Variants in PHKB observed in about 807,000 individuals in gnomAD.
PHKB encodes the protein phosphorylase kinase regulatory subunit beta, also known as phosphorylase b kinase regulatory subunit beta.
Under a neutral mutation model 152.1 loss-of-function variants are expected in PHKB, and 122 were observed. The observed-to-expected ratio is 0.80, with a 90% confidence interval of 0.69 to 0.93. The LOEUF (loss-of-function observed/expected upper bound fraction) is 0.93. Ranked by LOEUF, PHKB falls within the 40% of genes least tolerant of loss-of-function variation. PHKB has a pLI of 0.00. For synonymous variants in PHKB, 436 were observed against 464.9 expected, an observed-to-expected ratio of 0.94 and a Z score of 0.80; for missense variants, 1,304 against 1,328.4, an observed-to-expected ratio of 0.98 and a Z score of 0.29.
At chr16:47,486,449 G>A (rs1259547957) in intron 1 of PHKB, among the ~76,000 whole-genome samples, 1 of 152,174 alleles carries the variant, frequency 6.6e-6, no homozygotes, top group Non-Finnish European at 1.5e-5. Flanking sequence ...AAAATATATT[G>A]TATCTTGTAT....
At chr16:47,494,242 A>G (rs1970196769) in intron 1 of PHKB, among the ~76,000 whole-genome samples, 1 of 152,242 alleles carries the variant, frequency 6.6e-6, no homozygotes, top group African/African-American at 2.4e-5. Flanking sequence ...GATTCATTAT[A>G]GAGTATTCAA....
chr16:47,463,871 T>A (rs1486433169), intron 1 of PHKB: 1 of 1,561,758 alleles, frequency 6.4e-7, no homozygotes, highest in African/African-American at 1.3e-5. Flanking sequence ...CTTCTAACCT[T>A]TACTAAACAG....
At position 47,631,491 on chromosome 16, in the gene PHKB, T is replaced by C. The variant is rs559347605; in HGVS notation, c.1459-9544T>C. 5.9e-5 allele frequency among the ~76,000 whole-genome samples: 9 copies of C among 152,324 alleles called. No individual in the cohort carries two copies. The South Asian group carries it at 1.9e-3, about 32-fold the overall frequency. ...GAACATAATGAGATAACTCTTTTTT[T>C]ATTGTACTTTAAGTTCTGGGGTACA... On this transcript the variant is annotated intron_variant, in intron 14 of 30. Coordinates refer to ENST00000323584, the MANE Select transcript of PHKB (RefSeq NM_000293.3).
chr16:47,649,544 ATT>A (rs1390399445), intron 18 of PHKB, among the ~76,000 whole-genome samples: 1 of 152,210 alleles, frequency 6.6e-6, no homozygotes, highest in Admixed American at 6.5e-5. Flanking sequence ...AAATAATTTT[ATT>A]TATGAAAAAT....
intron 9 of PHKB, 22 bp downstream of exon 9, chr16:47,587,785 A>T (rs1446213562): frequency 6.1e-6 from 9 of 1,477,690 alleles, no homozygotes; most frequent in Non-Finnish European, 8.5e-6. Context: ...AATAATGATA[A>T]ATTTAACATG....
intron 10 of PHKB, among the ~76,000 whole-genome samples, chr16:47,591,861 C>G (rs1481432612): frequency 6.6e-6 from 1 of 152,102 alleles, no homozygotes; most frequent in Admixed American, 6.5e-5. Flanking sequence ...TGTCAATCAC[C>G]AAGGCTGGCA....
At chr16:47,550,478 T>C (rs2151674383) in intron 7 of PHKB, among the ~76,000 whole-genome samples, 1 of 152,374 alleles carries the variant, frequency 6.6e-6, no homozygotes, top group South Asian at 2.1e-4. Context: ...CCCTTTGTAG[T>C]CTGACACTTT....
At chr16:47,536,877 G>T (rs1970961013) in intron 6 of PHKB, among the ~76,000 whole-genome samples, 1 of 152,162 alleles carries the variant, frequency 6.6e-6, no homozygotes, top group African/African-American at 2.4e-5. Context: ...AGAGTTAGGA[G>T]AAATTAGAGA....
chr16:47,503,170 G>T, intron 4 of PHKB, 80 bp downstream of exon 4: 3 of 977,362 alleles, frequency 3.1e-6, no homozygotes, highest in Non-Finnish European at 4.8e-6. Context: ...GGTTTCTTCT[G>T]AAGAAGAATG....
intron 13 of PHKB, among the ~76,000 whole-genome samples, chr16:47,600,997 A>AT (rs1972214768): frequency 6.6e-6 from 1 of 152,114 alleles, no homozygotes; most frequent in African/African-American, 2.4e-5. Context: ...CGCCTGGCTA[A>AT]TTTTTTGTAT....
chr16:47,619,277 G>A (rs943129282), intron 14 of PHKB: 3 of 152,162 alleles, frequency 2.0e-5, no homozygotes, highest in Non-Finnish European at 4.4e-5. Context: ...TTGTAATGGT[G>A]TGAAGGAGTT....
intron 1 of PHKB, among the ~76,000 whole-genome samples, chr16:47,482,405 T>A (rs1160768582): frequency 1.3e-5 from 2 of 152,264 alleles, no homozygotes; most frequent in Non-Finnish European, 2.9e-5. Context: ...TTTGCTAATT[T>A]ATAGTTTATT....
chr16:47,680,731 A>G (rs1050385466), intron 26 of PHKB, among the ~76,000 whole-genome samples: 1 of 152,084 alleles, frequency 6.6e-6, no homozygotes, highest in South Asian at 2.1e-4. Context: ...TCCTGGATTC[A>G]TTAATTTTTT....
At chr16:47,478,810 T>C (rs1239841510) in intron 1 of PHKB, among the ~76,000 whole-genome samples, 3 of 152,190 alleles carry the variant, frequency 2.0e-5, no homozygotes, top group African/African-American at 7.2e-5. Flanking sequence ...TGTGTTTATA[T>C]TCATTCTGGC....
intron 14 of PHKB, among the ~76,000 whole-genome samples, chr16:47,627,223 G>A (rs975546453): frequency 3.3e-5 from 5 of 151,958 alleles, no homozygotes; most frequent in East Asian, 1.9e-4. Context: ...TTTCTATGGC[G>A]TTCTCGTCAT....
chr16:47,619,984 A>G (rs1972589291), intron 14 of PHKB, among the ~76,000 whole-genome samples: 1 of 152,250 alleles, frequency 6.6e-6, no homozygotes, highest in Admixed American at 6.5e-5. Context: ...TAATTAGAAT[A>G]CAGAAGATTC....
intron 24 of PHKB, 101 bp downstream of exon 24, chr16:47,663,835 TTTTTAC>T: frequency 3.8e-6 from 3 of 794,028 alleles, no homozygotes; most frequent in Admixed American, 1.9e-5. Flanking sequence ...TTCATCCTAA[TTTTTAC>T]TTTTAACCTC....
chr16:47,664,037 TTTTTTAATTTAGGAAACC>T lies in PHKB; in HGVS notation c.2336+305_2336+322del, dbSNP rs938077800. ...CCCCAACAAGGTGCTTTAAGTTCTGTTTTTTAATTTAGGAAACCTGTTCTGCTATTATAGAAGGCCATG... is the reference window on the plus strand; with the variant it reads ...CCCCAACAAGGTGCTTTAAGTTCTGTTGTTCTGCTATTATAGAAGGCCATG... On this transcript the variant is annotated intron_variant, in intron 24 of 30. Coordinates refer to ENST00000323584, the MANE Select transcript of PHKB (RefSeq NM_000293.3). The T allele has an allele frequency of 1.6e-5, 6 of 369,202 alleles. 1 individual carries two copies. Among genetic ancestry groups the T allele is most frequent in the Admixed American group, 8.4e-5 (2 of 23,720 alleles). 22.9% of individuals were successfully genotyped at this position (369,202 alleles called of 1,614,324 possible).
intron 6 of PHKB, among the ~76,000 whole-genome samples, chr16:47,537,902 C>CTCTCTCTCTCTCTCTCTCTT (rs71380327): frequency 7.4e-5 from 11 of 149,330 alleles, no homozygotes; most frequent in African/African-American, 2.5e-4. Flanking sequence ...CTCTCTCTCT[C>CTCTCTCTCTCTCTCTCTCTT]TTTTTAAGTT....
Sources: allele counts gnomAD v4.1 joint callset (sites outside exome capture counted in the v4.1 genomes callset), GRCh38; gene constraint gnomAD v4.1.1; transcripts MANE v1.5; gene names NCBI Gene and HGNC (gene_info 2026-07-23, HGNC 2026-07-21).